Variants in CYP4B1 observed in about 807,000 individuals in gnomAD.
The protein encoded by CYP4B1 is cytochrome P450 4B1.
In CYP4B1, 45 loss-of-function variants were observed where a neutral mutation model predicts 54.0. The ratio of observed to expected loss-of-function variants is 0.83; its 90% confidence interval spans 0.66 to 1.07. CYP4B1 has a LOEUF of 1.07. Ranked by LOEUF, CYP4B1 falls within the 50% of genes least tolerant of loss-of-function variation. CYP4B1 has a pLI of 0.00. For synonymous variants in CYP4B1, 248 were observed against 247.5 expected, an observed-to-expected ratio of 1.00 and a Z score of -0.02; for missense variants, 656 against 655.4, an observed-to-expected ratio of 1.00 and a Z score of -0.01.
At chr1:46,814,106 C>A in intron 6 of CYP4B1, 43 bp downstream of exon 6, 1 of 1,612,018 alleles carries the variant, frequency 6.2e-7, no homozygotes, top group South Asian at 1.1e-5. Flanking sequence ...AGCCTGGGTT[C>A]CTCCTCCTGG....
chr1:46,813,103 A>G (rs1679177582), intron 4 of CYP4B1, among the ~76,000 whole-genome samples: 1 of 152,196 alleles, frequency 6.6e-6, no homozygotes, highest in South Asian at 2.1e-4. Context: ...GTAATCCCTA[A>G]GTTATCCAGG....
At chr1:46,802,006 C>A (rs181318062) in intron 1 of CYP4B1, among the ~76,000 whole-genome samples, 1 of 152,290 alleles carries the variant, frequency 6.6e-6, no homozygotes, top group Non-Finnish European at 1.5e-5. Flanking sequence ...TTGGTAGCAT[C>A]TACCTGTCAT....
chr1:46,812,270 G>C, intron 3 of CYP4B1: 1 of 674,918 alleles, frequency 1.5e-6, no homozygotes, highest in Non-Finnish European at 2.7e-6. Flanking sequence ...TACAGAAACT[G>C]AGTTATCCTG....
rs750956208 is a variant in CYP4B1, at chr1:46,819,069, C to T, written c.*255C>T. 2.5e-5 allele frequency: 9 copies of T among 366,194 alleles called. No individual in the cohort carries two copies. The highest frequency in any genetic ancestry group is 8.7e-5 in the East Asian group (2 of 22,968). The allele number at this position is 366,194 out of a possible 1,614,324, so 22.7% of individuals were successfully genotyped here. On this transcript the variant is annotated 3_prime_UTR_variant, in exon 12 of 12. Transcript: ENST00000371923. ...ACATTTGGTGAGCACCTATTTCGTT[C>T]GAGAAACTTCATTTATCTCCTATAA...
intron 1 of CYP4B1, among the ~76,000 whole-genome samples, chr1:46,799,594 G>A (rs1678528764): frequency 6.6e-6 from 1 of 152,248 alleles, no homozygotes; most frequent in Non-Finnish European, 1.5e-5. Flanking sequence ...AAAACCTCTG[G>A]ATAGTACATA....
At chr1:46,803,938 G>A (rs1337829157) in intron 1 of CYP4B1, among the ~76,000 whole-genome samples, 1 of 152,208 alleles carries the variant, frequency 6.6e-6, no homozygotes, top group Non-Finnish European at 1.5e-5. Context: ...ATGTGTATGA[G>A]TGTGGGTTTG....
rs1426015877 is a variant in CYP4B1, at chr1:46,799,099, C to T, written c.18C>T (p.Leu6=). MVPSF[L]SLSFSSLGLW... Reference sequence around the variant, plus strand: ...CTGCAACCATGGTGCCCAGCTTCCTCTCCCTGAGCTTCTCCTCCTTGGGCC... The same window carrying T: ...CTGCAACCATGGTGCCCAGCTTCCTTTCCCTGAGCTTCTCCTCCTTGGGCC... The change falls in exon 1 of 12, where the codon CTC becomes CTT. Residue 6 remains leucine (L), a synonymous_variant. Transcript: ENST00000371923. 3.1e-6 allele frequency: 5 copies of T among 1,614,052 alleles called. No individual in the cohort carries two copies. Among genetic ancestry groups the T allele is most frequent in the South Asian group, 1.1e-5 (1 of 91,024 alleles).
chr1:46,817,418 A>G, intron 9 of CYP4B1: 1 of 560,102 alleles, frequency 1.8e-6, no homozygotes, highest in Non-Finnish European at 3.2e-6. Flanking sequence ...GGCTGCTGTC[A>G]GGATTAAAGA....
chr1:46,805,623 C>T (rs1478265376), intron 1 of CYP4B1, among the ~76,000 whole-genome samples: 1 of 152,214 alleles, frequency 6.6e-6, no homozygotes, highest in African/African-American at 2.4e-5. Flanking sequence ...ATTTTGCATT[C>T]GATCCCCTCT....
At position 46,809,507 on chromosome 1, in the gene CYP4B1, G is replaced by T. The variant is rs959307800; in HGVS notation, c.181-1301G>T. ...GCTCAGGCCTCAACAGGAATTTTAT[G>T]GGACTGTAACCTAACCTCTCTATTC... On this transcript the variant is annotated intron_variant, in intron 1 of 11. Transcript: ENST00000371923. Among the ~76,000 whole-genome samples, 25 of 152,242 alleles carry T rather than the reference G, an allele frequency of 1.6e-4. 1 individual carries two copies. The highest frequency in any genetic ancestry group is 2.6e-4 in the Admixed American group (4 of 15,292).
chr1:46,799,296 A>G (rs1678513987), intron 1 of CYP4B1, 35 bp downstream of exon 1: 1 of 1,541,388 alleles, frequency 6.5e-7, no homozygotes, highest in African/African-American at 1.4e-5. Context: ...GGAGAAAGAA[A>G]ACATCCTCCC....
rs555992529 is a variant in CYP4B1, at chr1:46,799,148, G to A, written c.67G>A (p.Val23Ile). Residue 23 changes from valine (V) to isoleucine (I), a missense_variant, in exon 1 of 12, where the codon GTC becomes ATC. Coordinates refer to ENST00000371923, the MANE Select transcript of CYP4B1 (RefSeq NM_001099772.2). The part of the protein sequence containing the change: ...LGLWASGLIL[V>I]LGFLKLIHLL... ...CCTGTGGGCTTCTGGGCTGATCTTGGTCTTAGGCTTTCTCAAGCTCATCCA... is the reference window on the plus strand; with the variant it reads ...CCTGTGGGCTTCTGGGCTGATCTTGATCTTAGGCTTTCTCAAGCTCATCCA... 1.9e-5 allele frequency: 30 copies of A among 1,613,872 alleles called. No individual in the cohort carries two copies. The South Asian group carries it at 3.1e-4, about 17-fold the overall frequency.
chr1:46,813,606 G>A lies in CYP4B1; in HGVS notation c.620G>A (p.Ser207Asn), dbSNP rs1183418655. 6.2e-7 allele frequency: 1 copy of A among 1,613,906 alleles called. No individual in the cohort carries two copies. The highest frequency in any genetic ancestry group is 8.5e-7 in the Non-Finnish European group (1 of 1,180,030). Residue 207 changes from serine to asparagine, a missense_variant and splice_region_variant, in exon 5 of 12, where the codon AGC becomes AAC. Physicochemically the swap from Ser to Asn is conservative, Grantham distance 46. Transcript: ENST00000371923. The part of the protein sequence containing the change: ...FGRGDTGLGH[S>N]RDSSYYLAVS... ...AGAGGAGACACCGGCCTGGGCCACA[G>A]GTCAGGAGCCACCTCGGGGCTGACC...
intron 1 of CYP4B1, among the ~76,000 whole-genome samples, chr1:46,808,270 A>C (rs1569874850): frequency 6.6e-6 from 1 of 152,062 alleles, no homozygotes; most frequent in African/African-American, 2.4e-5. Context: ...AACAGTGTAA[A>C]AGTGTTCCTA....
At chr1:46,810,562 G>T (rs911420238) in intron 1 of CYP4B1, among the ~76,000 whole-genome samples, 1 of 152,216 alleles carries the variant, frequency 6.6e-6, no homozygotes, top group Admixed American at 6.5e-5. Context: ...ATGGAAGCAG[G>T]TTGGCTACTT....
In CYP4B1 at chr1:46,818,619, T is replaced by C. The variant is rs979706287; in HGVS notation, c.1356-12T>C. ...TCCATTGCACGATGACTCTTTGTGC[T>C]GCTTGCTACAGGAACTGCATTGGGC... On this transcript the variant is annotated splice_polypyrimidine_tract_variant and intron_variant, in intron 11 of 11. Transcript: ENST00000371923. 6.2e-7 allele frequency: 1 copy of C among 1,614,020 alleles called. No homozygotes were observed. Among genetic ancestry groups the C allele is most frequent in the Non-Finnish European group, 8.5e-7 (1 of 1,179,838 alleles).
intron 9 of CYP4B1, 123 bp downstream of exon 9, chr1:46,817,304 T>A (rs1414460875): frequency 1.1e-5 from 13 of 1,167,336 alleles, no homozygotes; most frequent in African/African-American, 1.5e-5. Context: ...CAGAGAGCCC[T>A]GGGTCTAAAT....
rs757662475 is a variant in CYP4B1, at chr1:46,818,195, C to T, written c.1337C>T (p.Pro446Leu). The T allele has an allele frequency of 1.9e-6, 3 of 1,614,092 alleles. No individual in the cohort carries two copies. Among genetic ancestry groups the T allele is most frequent in the Non-Finnish European group, 1.7e-6 (2 of 1,180,008 alleles). ...AAACGCCATCCCTTTGCCTTTATGC[C>T]CTTCTCTGCTGGGCCCAGGTATGGA... is the stretch of plus-strand genomic sequence containing the variant. ...ASKRHPFAFM[P>L]FSAGPRNCIG... Residue 446 changes from proline (P) to leucine (L), a missense_variant, in exon 11 of 12, where the codon CCC (proline) becomes CTC (leucine). Physicochemically the swap from Pro to Leu is moderately conservative, Grantham distance 98. Transcript: ENST00000371923.
intron 8 of CYP4B1, among the ~76,000 whole-genome samples, chr1:46,816,257 G>A (rs773587147): frequency 2.6e-5 from 4 of 152,186 alleles, no homozygotes; most frequent in Non-Finnish European, 5.9e-5. Context: ...TGGTCTGAAT[G>A]TTGAGGGCAG....
Sources: gnomAD v4.1 joint callset for allele counts (sites outside exome capture counted in the v4.1 genomes callset) on GRCh38, gnomAD v4.1.1 for gene constraint, MANE v1.5 for transcripts, NCBI Gene and HGNC (gene_info 2026-07-23, HGNC 2026-07-21) for gene names.